Variants in DLG2 observed in about 807,000 individuals in gnomAD.
The protein encoded by DLG2 is disks large homolog 2.
DLG2 carries 45 observed loss-of-function variants against 132.5 expected under a neutral mutation model. The observed-to-expected ratio is 0.34, with a 90% CI of 0.27 to 0.44. The LOEUF (loss-of-function observed/expected upper bound fraction) is 0.44, where lower values mean the gene tolerates loss of function less well. DLG2 is among the 20% of genes least tolerant of loss of function. DLG2 has a pLI of 1.00. For missense variants in DLG2, 1,045 were observed against 1,196.9 expected, an observed-to-expected ratio of 0.87 and a Z score of 1.87; for synonymous variants, 424 against 419.6, an observed-to-expected ratio of 1.01 and a Z score of -0.13.
chr11:83,577,318 CTTATTAGTTCTAATAGGAGATAT>C (rs1488772170), intron 19 of DLG2, among the ~76,000 whole-genome samples: 3 of 149,166 alleles, frequency 2.0e-5, no homozygotes, highest in Non-Finnish European at 3.0e-5. Flanking sequence ...ATATATATAT[CTTATTAGTTCTAATAGGAGATAT>C]ATATATCTTA....
chr11:84,114,181 C>T (rs994869469), intron 9 of DLG2, among the ~76,000 whole-genome samples: 7 of 151,648 alleles, frequency 4.6e-5, no homozygotes, highest in South Asian at 2.1e-4. Flanking sequence ...GTTTTAATTT[C>T]GAATACGGTA....
intron 22 of DLG2, among the ~76,000 whole-genome samples, chr11:83,482,090 T>TATC (rs1565407041): frequency 6.6e-6 from 1 of 152,122 alleles, no homozygotes; most frequent in East Asian, 1.9e-4. Flanking sequence ...AAAAATTTTC[T>TATC]ATCATATTCC....
chr11:84,695,200 G>A (rs2058495390), intron 6 of DLG2, among the ~76,000 whole-genome samples: 1 of 151,514 alleles, frequency 6.6e-6, no homozygotes, highest in Admixed American at 6.6e-5. Context: ...AATAGGCCTA[G>A]GCTTTATCAG....
chr11:85,158,756 C>T (rs1338147075), intron 4 of DLG2, among the ~76,000 whole-genome samples: 2 of 152,138 alleles, frequency 1.3e-5, no homozygotes, highest in African/African-American at 4.8e-5. Flanking sequence ...AAATGGCAAT[C>T]AGAATAGTCT....
chr11:83,969,020 T>C (rs2090807406), intron 12 of DLG2, among the ~76,000 whole-genome samples: 1 of 152,326 alleles, frequency 6.6e-6, no homozygotes, highest in East Asian at 1.9e-4. Flanking sequence ...GCATGCCATA[T>C]ATTTTAGGAG....
chr11:85,612,096 T>C (rs1591307452), intron 2 of DLG2, among the ~76,000 whole-genome samples: 1 of 152,224 alleles, frequency 6.6e-6, no homozygotes, highest in Non-Finnish European at 1.5e-5. Flanking sequence ...AAAAACAGTG[T>C]ACCCTATTCC....
intron 6 of DLG2, among the ~76,000 whole-genome samples, chr11:84,764,209 G>A (rs1470436957): frequency 6.6e-6 from 1 of 152,088 alleles, no homozygotes; most frequent in Non-Finnish European, 1.5e-5. Context: ...TCTTGATAGT[G>A]TGTGGCAGCT....
rs1164624419 is a variant in DLG2, at chr11:84,420,890, G to A, written c.519+113680C>T. On this transcript the variant is annotated intron_variant, in intron 7 of 27. Coordinates refer to ENST00000376104, the MANE Select transcript of DLG2 (RefSeq NM_001142699.3). ...TCACCGTTTTAGCCAGGATGGTCTC[G>A]ATCTCCTGACCTCGTGATCTGCCCG... is the stretch of plus-strand genomic sequence containing the variant. Among the ~76,000 whole-genome samples the A allele has an allele frequency of 1.2e-4, 18 of 151,272 alleles. 1 individual carries two copies. Among genetic ancestry groups the A allele is most frequent in the Admixed American group, 1.1e-3 (17 of 15,186 alleles).
intron 7 of DLG2, among the ~76,000 whole-genome samples, chr11:84,367,907 C>T (rs1399867280): frequency 6.6e-6 from 1 of 152,140 alleles, no homozygotes; most frequent in African/African-American, 2.4e-5. Flanking sequence ...GTAAATGATA[C>T]ATTTATCACC....
intron 9 of DLG2, among the ~76,000 whole-genome samples, chr11:84,119,499 C>T (rs977130056): frequency 3.3e-5 from 5 of 151,548 alleles, no homozygotes; most frequent in Non-Finnish European, 5.9e-5. Context: ...TATATTCATA[C>T]ACACACATAC....
chr11:83,574,866 G>A (rs1469915138), intron 19 of DLG2, among the ~76,000 whole-genome samples: 1 of 152,180 alleles, frequency 6.6e-6, no homozygotes, highest in East Asian at 1.9e-4. Flanking sequence ...TGGCACTTGT[G>A]AAATTATTGA....
intron 5 of DLG2, among the ~76,000 whole-genome samples, chr11:85,128,289 C>T (rs1344886683): frequency 6.6e-6 from 1 of 151,668 alleles, no homozygotes; most frequent in African/African-American, 2.4e-5. Context: ...TGTGATTCAC[C>T]CACTACTACT....
intron 4 of DLG2, among the ~76,000 whole-genome samples, chr11:85,173,906 C>T (rs1419214087): frequency 6.6e-6 from 1 of 152,032 alleles, no homozygotes; most frequent in Admixed American, 6.6e-5. Context: ...GGGTTCAATT[C>T]AACAAAAACA....
intron 7 of DLG2, among the ~76,000 whole-genome samples, chr11:84,416,398 C>G (rs1332309241): frequency 6.6e-6 from 1 of 152,050 alleles, no homozygotes; most frequent in East Asian, 1.9e-4. Flanking sequence ...TCCTTGTTTC[C>G]CACTTAAGCA....
At chr11:84,227,592 G>A (rs2097020937) in intron 8 of DLG2, among the ~76,000 whole-genome samples, 1 of 152,118 alleles carries the variant, frequency 6.6e-6, no homozygotes, top group African/African-American at 2.4e-5. Context: ...TATTTCAACA[G>A]CTAGCCCTGT....
chr11:83,861,865 CAA>C (rs1230455427), intron 16 of DLG2, among the ~76,000 whole-genome samples: 2 of 152,038 alleles, frequency 1.3e-5, no homozygotes, highest in Non-Finnish European at 2.9e-5. Context: ...TAAAATAACT[CAA>C]AGAGTATAAT....
Position 84,605,991 on chromosome 11 carries a change from T to C in DLG2, c.358-71260A>G, listed in dbSNP as rs10466724. Among the ~76,000 whole-genome samples the C allele has an allele frequency of 1.7e-3, 263 of 152,214 alleles. 2 individuals are homozygous for C. The highest frequency in any genetic ancestry group is 6.1e-3 in the African/African-American group (254 of 41,568). On this transcript the variant is annotated intron_variant, in intron 6 of 27. Coordinates refer to ENST00000376104, the MANE Select transcript of DLG2 (RefSeq NM_001142699.3). The stretch of plus-strand genomic sequence containing the variant: ...CTCTTTTTTGAATGTCTTCAGTGCA[T>C]TTCTTTTTCTCCTCTTAAGGCACTG...
chr11:85,495,737 T>C (rs2153114155), intron 3 of DLG2, among the ~76,000 whole-genome samples: 1 of 152,282 alleles, frequency 6.6e-6, no homozygotes, highest in Admixed American at 6.5e-5. Flanking sequence ...TCCTCAAGGA[T>C]CTAGAACCAG....
intron 3 of DLG2, among the ~76,000 whole-genome samples, chr11:85,530,775 A>G (rs892687750): frequency 1.3e-5 from 2 of 152,218 alleles, no homozygotes; most frequent in African/African-American, 4.8e-5. Context: ...TGGGGCCTCA[A>G]CAGTTTATTG....
Sources: allele counts gnomAD v4.1 joint callset (sites outside exome capture counted in the v4.1 genomes callset), GRCh38; gene constraint gnomAD v4.1.1; transcripts MANE v1.5; gene names NCBI Gene and HGNC (gene_info 2026-07-23, HGNC 2026-07-21).